Variants in SLC38A6 observed in about 807,000 individuals in gnomAD.
SLC38A6 encodes solute carrier family 38 member 6.
SLC38A6 carries 73 observed loss-of-function variants against 65.0 expected under a neutral mutation model. That is an observed-to-expected ratio of 1.12 (90% confidence interval 0.93 to 1.37). The LOEUF (loss-of-function observed/expected upper bound fraction) is 1.37. SLC38A6 is among the 40% of genes most tolerant of loss of function. The pLI is 0.00. For synonymous variants in SLC38A6, 183 were observed against 178.8 expected (o/e 1.02, Z -0.19); for missense variants, 561 against 531.1 (o/e 1.06, Z -0.55).
chr14:61,066,121 G>A (rs1016915538), intron 15 of SLC38A6, among the ~76,000 whole-genome samples: 3 of 152,084 alleles, frequency 2.0e-5, no homozygotes, highest in Non-Finnish European at 2.9e-5. Flanking sequence ...GAACATTTCA[G>A]AATCTTTTTA....
chr14:61,021,280 A>G (rs986852205), intron 5 of SLC38A6, among the ~76,000 whole-genome samples: 1 of 152,194 alleles, frequency 6.6e-6, no homozygotes, highest in African/African-American at 2.4e-5. Context: ...TTTATCAAGA[A>G]GAGAAAAGGG....
chr14:60,999,317 G>T (rs1042623795), intron 3 of SLC38A6, among the ~76,000 whole-genome samples: 1 of 152,196 alleles, frequency 6.6e-6, no homozygotes, highest in Non-Finnish European at 1.5e-5. Context: ...CCTAAAGAAG[G>T]TTACAATTAT....
At chr14:60,994,968 C>A (rs1182834728) in intron 3 of SLC38A6, among the ~76,000 whole-genome samples, 3 of 132,410 alleles carry the variant, frequency 2.3e-5, no homozygotes, top group Non-Finnish European at 3.1e-5. Context: ...CGTGCCACTG[C>A]ACTCCAGCCT....
chr14:61,012,336 T>C (rs2039641387), intron 3 of SLC38A6, among the ~76,000 whole-genome samples: 2 of 152,292 alleles, frequency 1.3e-5, no homozygotes, highest in Middle Eastern at 6.8e-3. Flanking sequence ...AAAAAGCAGC[T>C]TCTGGATTCA....
intron 16 of SLC38A6, among the ~76,000 whole-genome samples, chr14:61,079,139 T>C (rs2043543825): frequency 7.0e-6 from 1 of 143,722 alleles, no homozygotes; most frequent in Non-Finnish European, 1.5e-5. Context: ...CAAACTTTTT[T>C]TTTTTTTTTT....
intron 3 of SLC38A6, among the ~76,000 whole-genome samples, chr14:61,013,419 C>T (rs1383579190): frequency 2.0e-5 from 3 of 152,150 alleles, no homozygotes; most frequent in African/African-American, 7.2e-5. Flanking sequence ...GAATTTGATC[C>T]TGTCGTTATG....
intron 6 of SLC38A6, 83 bp downstream of exon 6, chr14:61,030,606 G>T: frequency 1.1e-6 from 1 of 914,696 alleles, no homozygotes; most frequent in Non-Finnish European, 1.7e-6. Flanking sequence ...AATACTTGTA[G>T]TGGCAGGTAA....
chr14:61,072,993 C>A (rs113457111), intron 15 of SLC38A6, among the ~76,000 whole-genome samples: 4 of 152,150 alleles, frequency 2.6e-5, no homozygotes, highest in Admixed American at 6.5e-5. Context: ...TACATCCCCC[C>A]CAACAGTGCA....
intron 3 of SLC38A6, among the ~76,000 whole-genome samples, chr14:61,010,381 A>C (rs577472035): frequency 3.9e-5 from 6 of 152,210 alleles, no homozygotes; most frequent in Admixed American, 1.3e-4. Context: ...TCTTTAGTTT[A>C]ATTAGATCCC....
chr14:60,981,698 A>G (rs766912047), intron 1 of SLC38A6: 1 of 1,347,610 alleles, frequency 7.4e-7, no homozygotes. Flanking sequence ...GTTAGTTAGT[A>G]TTTTTGTCAC....
chr14:61,007,094 G>A (rs1461948752), intron 3 of SLC38A6, among the ~76,000 whole-genome samples: 5 of 152,084 alleles, frequency 3.3e-5, no homozygotes, highest in Non-Finnish European at 7.3e-5. Flanking sequence ...AACACCACAT[G>A]TTCTTACTCA....
chr14:61,051,676 C>A, intron 13 of SLC38A6, 111 bp from the exon 14 acceptor site: 1 of 1,172,046 alleles, frequency 8.5e-7, no homozygotes, highest in Non-Finnish European at 1.2e-6. Context: ...TTTTTGAAAT[C>A]TAAATGATGT....
chr14:60,984,902 A>C (rs2037340087), intron 3 of SLC38A6, 99 bp downstream of exon 3: 1 of 1,125,158 alleles, frequency 8.9e-7, no homozygotes, highest in Admixed American at 1.8e-5. Flanking sequence ...TCCAGTGAGC[A>C]TACATTTTTA....
intron 15 of SLC38A6, among the ~76,000 whole-genome samples, chr14:61,078,301 A>T (rs1485459489): frequency 6.6e-6 from 1 of 152,224 alleles, no homozygotes; most frequent in Non-Finnish European, 1.5e-5. Flanking sequence ...TTGAAGGATA[A>T]CCAAAGTAGA....
At chr14:61,083,223 G>A (rs1279725566) in intron 16 of SLC38A6, among the ~76,000 whole-genome samples, 2 of 152,192 alleles carry the variant, frequency 1.3e-5, no homozygotes, top group East Asian at 1.9e-4. Flanking sequence ...TGAGGTCAAG[G>A]TGTCTGCTGC....
At chr14:61,013,368 T>C (rs1461739480) in intron 3 of SLC38A6, among the ~76,000 whole-genome samples, 1 of 152,140 alleles carries the variant, frequency 6.6e-6, no homozygotes. Flanking sequence ...TTAATTGGAG[T>C]ATTTAGCCCA....
chr14:60,981,415 C>T (rs2037006061), intron 1 of SLC38A6, 33 bp downstream of exon 1: 1 of 1,557,750 alleles, frequency 6.4e-7, no homozygotes, highest in Non-Finnish European at 8.7e-7. Flanking sequence ...CCCGCGCTGA[C>T]GCCCTCCGGC....
chr14:61,051,742 T>C, intron 13 of SLC38A6, 45 bp from the exon 14 acceptor site: 2 of 1,600,520 alleles, frequency 1.2e-6, no homozygotes, highest in East Asian at 4.5e-5. Flanking sequence ...ATATCTGGAC[T>C]TTGACATTTC....
chr14:61,072,854 C>T (rs369806304), intron 15 of SLC38A6, among the ~76,000 whole-genome samples: 1 of 152,178 alleles, frequency 6.6e-6, no homozygotes, highest in African/African-American at 2.4e-5. Flanking sequence ...GTGCAGATAG[C>T]TCTTCAGTAT....
Sources: allele counts gnomAD v4.1 joint callset (sites outside exome capture counted in the v4.1 genomes callset), GRCh38; gene constraint gnomAD v4.1.1; transcripts MANE v1.5; gene names NCBI Gene and HGNC (gene_info 2026-07-23, HGNC 2026-07-21).